MID1: variants seen among roughly 807,000 people sequenced by gnomAD.
The protein encoded by MID1 is E3 ubiquitin-protein ligase Midline-1.
A neutral mutation model predicts 40.4 loss-of-function variants in MID1; 7 were observed. The observed-to-expected ratio is 0.17, with a 90% CI of 0.10 to 0.33. The LOEUF is 0.33. Ranked by LOEUF, MID1 falls within the 10% of genes least tolerant of loss-of-function variation. The pLI is 1.00. For missense variants in MID1, 367 were observed against 558.5 expected (o/e 0.66, Z 3.46); for synonymous variants, 229 against 221.2 (o/e 1.04, Z -0.31).
At chrX:10,798,504 C>T (rs1222138724) in intron 1 of MID1, among the ~76,000 whole-genome samples, 3 of 111,954 alleles carry the variant, frequency 2.7e-5, no homozygotes, top group Non-Finnish European at 3.8e-5. Flanking sequence ...AGCAATTTAG[C>T]ACTTTGATCT....
At chrX:10,690,875 T>C (rs1602519180) in intron 1 of MID1, among the ~76,000 whole-genome samples, 1 of 112,395 alleles carries the variant, frequency 8.9e-6, no homozygotes, top group East Asian at 2.8e-4. Flanking sequence ...TCTCTTTTAT[T>C]CTGAGATTGT....
At chrX:10,709,207 G>A in intron 1 of MID1, among the ~76,000 whole-genome samples, 1 of 112,388 alleles carries the variant, frequency 8.9e-6, no homozygotes, top group African/African-American at 3.2e-5. Context: ...TTTGGTATGA[G>A]TGCTCAAGAA....
chrX:10,677,039 A>G (rs751531159), intron 1 of MID1, among the ~76,000 whole-genome samples: 1 of 111,581 alleles, frequency 9.0e-6, no homozygotes, highest in Non-Finnish European at 1.9e-5. Context: ...TCCCAAATCT[A>G]TCTGGCACCT....
In MID1 at chrX:10,685,877, TACACAC is replaced by T. The variant is rs56245034; in HGVS notation, c.-186-65464_-186-65459del. On this transcript the variant is annotated intron_variant, in intron 1 of 10. Coordinates refer to the MID1 transcript ENST00000380785. ...TCGGCCCCTACACCCCACATACTCA[TACACAC>T]ACACACACACACACACACACACACA... Among the ~76,000 whole-genome samples the T allele has an allele frequency of 3.2e-3, 258 of 80,484 alleles. 3 individuals carry two copies. Among genetic ancestry groups the T allele is most frequent in the African/African-American group, 8.8e-3 (184 of 20,801 alleles). 69.9% of individuals were successfully genotyped at this position (80,484 alleles called of 115,157 possible).
chrX:10,681,085 C>A (rs941958356), intron 1 of MID1, among the ~76,000 whole-genome samples: 2 of 106,450 alleles, frequency 1.9e-5, no homozygotes, highest in Non-Finnish European at 3.8e-5. Context: ...ATGCTACACA[C>A]ACTATTGTGT....
chrX:10,799,086 C>A lies in MID1; in HGVS notation c.-187+34468G>T, dbSNP rs1396464835. Among the ~76,000 whole-genome samples, 4 of 111,453 alleles carry A rather than the reference C, an allele frequency of 3.6e-5. No homozygotes were observed. The Admixed American group carries it at 3.8e-4, about 11-fold the overall frequency. The stretch of plus-strand genomic sequence containing the variant: ...TTCTAAAATGTCTAATATTAGAAAG[C>A]AGCATGGAGTTGAGGGCATCAGATC... On this transcript the variant is annotated intron_variant, in intron 1 of 10. Coordinates refer to the MID1 transcript ENST00000380785.
chrX:10,465,256 CACACAT>C (rs1326101153), intron 7 of MID1, among the ~76,000 whole-genome samples: 2 of 97,303 alleles, frequency 2.1e-5, no homozygotes, highest in African/African-American at 3.9e-5. Flanking sequence ...CACACACACA[CACACAT>C]ACATATATGA....
At chrX:10,711,687 C>G (rs760655562) in intron 1 of MID1, among the ~76,000 whole-genome samples, 22 of 112,450 alleles carry the variant, frequency 2.0e-4, no homozygotes, top group Admixed American at 5.7e-4. Flanking sequence ...AATCAAGATG[C>G]AATAGGCAGT....
At chrX:10,722,394 A>G (rs968659111) in intron 1 of MID1, among the ~76,000 whole-genome samples, 2 of 111,937 alleles carry the variant, frequency 1.8e-5, no homozygotes, top group Non-Finnish European at 3.8e-5. Flanking sequence ...GAGATATTAC[A>G]ACTTTAAATA....
At chrX:10,481,636 A>G (rs1930332878) in intron 5 of MID1, among the ~76,000 whole-genome samples, 2 of 110,376 alleles carry the variant, frequency 1.8e-5, no homozygotes, top group South Asian at 7.8e-4. Context: ...AGCAGGGACC[A>G]GGTTTCACCA....
intron 1 of MID1, among the ~76,000 whole-genome samples, chrX:10,832,744 T>G (rs1255451861): frequency 8.9e-6 from 1 of 112,535 alleles, no homozygotes; most frequent in African/African-American, 3.2e-5. Context: ...AACATTTTTT[T>G]TCCTTTCCCA....
intron 1 of MID1, among the ~76,000 whole-genome samples, chrX:10,714,882 A>T (rs926514019): frequency 2.7e-5 from 3 of 112,482 alleles, no homozygotes; most frequent in Non-Finnish European, 5.6e-5. Flanking sequence ...AGCTTTGTTT[A>T]AAAAAATAAA....
chrX:10,461,513 T>C (rs1353138307), intron 7 of MID1, among the ~76,000 whole-genome samples: 1 of 111,505 alleles, frequency 9.0e-6, no homozygotes, highest in Non-Finnish European at 1.9e-5. Flanking sequence ...CACCTTACCT[T>C]TTCCTTGAAC....
At chrX:10,832,610 A>G (rs2044259983) in intron 1 of MID1, among the ~76,000 whole-genome samples, 1 of 111,927 alleles carries the variant, frequency 8.9e-6, no homozygotes, top group Non-Finnish European at 1.9e-5. Context: ...ATTCAACTCA[A>G]AAAACCACAT....
rs566107705 is a variant in MID1, at chrX:10,519,736, A to G, written c.756+3356T>C. ...AGCACCTCAAATGATGAACAGCTGG[A>G]GTAGATGGCTTAGGTAGGAGATGAG... On this transcript the variant is annotated intron_variant, in intron 3 of 9. Transcript: ENST00000317552. Among the ~76,000 whole-genome samples, 4 of 111,870 alleles carry G rather than the reference A, an allele frequency of 3.6e-5. No individual in the cohort carries two copies. The South Asian group carries it at 1.5e-3, about 42-fold the overall frequency.
chrX:10,687,370 C>T (rs974624315), intron 1 of MID1, among the ~76,000 whole-genome samples: 3 of 112,066 alleles, frequency 2.7e-5, no homozygotes, highest in African/African-American at 9.7e-5. Flanking sequence ...CAAGAAGCTA[C>T]CTGGGTGATT....
chrX:10,450,898 G>GTTT (rs1928288863), intron 9 of MID1, among the ~76,000 whole-genome samples: 2 of 111,621 alleles, frequency 1.8e-5, no homozygotes, highest in Non-Finnish European at 3.8e-5. Flanking sequence ...ACTCACAGTT[G>GTTT]AACTTTTAAT....
In MID1 at chrX:10,684,938, A is replaced by G. The variant is rs183514652; in HGVS notation, c.-186-64519T>C. On this transcript the variant is annotated intron_variant, in intron 1 of 10. Transcript: ENST00000380785. ...CCAGGCAACTCCTTCCTGTCTCTATAGATCTGTTTTTCTGGACATTTCATA... is the reference window on the plus strand; with the variant it reads ...CCAGGCAACTCCTTCCTGTCTCTATGGATCTGTTTTTCTGGACATTTCATA... Among the ~76,000 whole-genome samples, 7 of 111,206 alleles carry G rather than the reference A, an allele frequency of 6.3e-5. No homozygotes were observed. In the Admixed American group the frequency reaches 6.7e-4, roughly 11 times the overall value.
intron 1 of MID1, among the ~76,000 whole-genome samples, chrX:10,716,104 G>A (rs1326795803): frequency 3.6e-5 from 4 of 111,601 alleles, no homozygotes; most frequent in Non-Finnish European, 7.5e-5. Context: ...AAAAAACAGA[G>A]CAGAAAAACT....
Sources: allele counts gnomAD v4.1 joint callset (sites outside exome capture counted in the v4.1 genomes callset), GRCh38; gene constraint gnomAD v4.1.1; transcripts MANE v1.5; gene names NCBI Gene and HGNC (gene_info 2026-07-23, HGNC 2026-07-21).